Variants in TXNDC11 observed in about 807,000 individuals in gnomAD.
The protein encoded by TXNDC11 is thioredoxin domain-containing protein 11.
TXNDC11 carries 68 observed loss-of-function variants against 78.0 expected under a neutral mutation model. The observed-to-expected ratio is 0.87, with a 90% CI of 0.72 to 1.07. The LOEUF is 1.07. Ranked by LOEUF, TXNDC11 falls within the 50% of genes least tolerant of loss-of-function variation. The probability of loss-of-function intolerance (pLI) is 0.00; values close to 1 mark genes in which losing one functional copy is unlikely to be tolerated. For missense variants in TXNDC11, 1,389 were observed against 1,221.8 expected (o/e 1.14, Z -2.04); for synonymous variants, 571 against 495.2 (o/e 1.15, Z -2.03).
chr16:11,696,794 A>G (rs2141023230), intron 7 of TXNDC11, among the ~76,000 whole-genome samples: 1 of 152,232 alleles, frequency 6.6e-6, no homozygotes, highest in East Asian at 1.9e-4. Context: ...AACAGGCGAG[A>G]AAGAGTCTTC....
At chr16:11,721,697 A>G (rs1249335144) in intron 4 of TXNDC11, 27 bp from the exon 5 acceptor site, 1 of 1,409,692 alleles carries the variant, frequency 7.1e-7, no homozygotes, top group Non-Finnish European at 1.0e-6. Flanking sequence ...AGAATTAGGT[A>G]ACTGAGGCAC....
At chr16:11,731,476 C>T (rs1000405966) in intron 3 of TXNDC11, among the ~76,000 whole-genome samples, 6 of 152,174 alleles carry the variant, frequency 3.9e-5, no homozygotes, top group African/African-American at 9.7e-5. Flanking sequence ...ACGTGCCTCT[C>T]TTCAGTCTCA....
Position 11,691,363 on chromosome 16 carries a change from C to G in TXNDC11, c.1827G>C (p.Ala609=), listed in dbSNP as rs763458238. 1.7e-5 allele frequency: 27 copies of G among 1,614,222 alleles called. No homozygotes were observed. Among genetic ancestry groups the G allele is most frequent in the Admixed American group, 6.7e-5 (4 of 60,022 alleles). Residue 609 remains alanine, a synonymous_variant, in exon 8 of 12, where the codon GCG becomes GCC. Transcript: ENST00000283033. Reference sequence around the variant, plus strand: ...ATTCTTCTTTCACGTCAACAATTGCCGCAAATTCTTTCACCTGAGTGGAGC... The same window carrying G: ...ATTCTTCTTTCACGTCAACAATTGCGGCAAATTCTTTCACCTGAGTGGAGC... ...APSSTQVKEF[A]AIVDVKEESH...
intron 1 of TXNDC11, among the ~76,000 whole-genome samples, chr16:11,741,470 C>G (rs906749495): frequency 2.0e-5 from 3 of 152,298 alleles, no homozygotes; most frequent in Admixed American, 2.0e-4. Flanking sequence ...AAACACCAAG[C>G]TTGCCCAGCC....
chr16:11,713,207 A>C (rs2051419124), intron 5 of TXNDC11, among the ~76,000 whole-genome samples: 1 of 148,830 alleles, frequency 6.7e-6, no homozygotes, highest in Admixed American at 6.7e-5. Context: ...GGATCACCTG[A>C]GCCTGGGGAG....
At chr16:11,697,981 G>T (rs1015272502) in intron 7 of TXNDC11, 144 bp downstream of exon 7, 25 of 760,220 alleles carry the variant, frequency 3.3e-5, no homozygotes, top group Non-Finnish European at 5.3e-5. Context: ...ATATGGAGGG[G>T]CAAAGAGCAA....
At position 11,736,075 on chromosome 16, in the gene TXNDC11, C is replaced by A; in HGVS notation, c.413G>T (p.Gly138Val). The A allele has an allele frequency of 6.2e-7, 1 of 1,614,134 alleles. No individual in the cohort carries two copies. The highest frequency in any genetic ancestry group is 8.5e-7 in the Non-Finnish European group (1 of 1,180,020). The change falls in exon 2 of 12, where the codon GGA (glycine) becomes GTA (valine). Residue 138 changes from glycine to valine, a missense_variant. Physicochemically the swap from Gly to Val is moderately radical, Grantham distance 109. Transcript: ENST00000283033. ...TTCTGCCCTGGCAGCGATGGACTGT[C>A]CACACCAAGGGGCATAGAAGAAGAG... is the stretch of plus-strand genomic sequence containing the variant. ...VLLFFYAPWC[G>V]QSIAARAEIE... is the part of the protein sequence containing the mutation.
intron 5 of TXNDC11, among the ~76,000 whole-genome samples, chr16:11,704,846 T>C (rs911633317): frequency 1.3e-5 from 2 of 151,712 alleles, no homozygotes; most frequent in African/African-American, 2.4e-5. Flanking sequence ...AGTGGAAACA[T>C]GGAGACAATT....
At chr16:11,716,075 TAAAC>T (rs1263415801) in intron 5 of TXNDC11, among the ~76,000 whole-genome samples, 1 of 152,200 alleles carries the variant, frequency 6.6e-6, no homozygotes, top group African/African-American at 2.4e-5. Flanking sequence ...AATTTAAAGA[TAAAC>T]AAACACAAAC....
chr16:11,718,460 T>C (rs969976930), intron 5 of TXNDC11, among the ~76,000 whole-genome samples: 3 of 152,216 alleles, frequency 2.0e-5, no homozygotes, highest in Non-Finnish European at 4.4e-5. Flanking sequence ...AAACATGACA[T>C]TGACCTAGAA....
At position 11,679,114 on chromosome 16, in the gene TXNDC11, C is replaced by A. The variant is rs948235118; in HGVS notation, c.*81G>T. ...AGACCACTGAGAAAATCTTTATTTACAATAAATTTCAATAAAATTTGCATA... is the reference window on the plus strand; with the variant it reads ...AGACCACTGAGAAAATCTTTATTTAAAATAAATTTCAATAAAATTTGCATA... On this transcript the variant is annotated 3_prime_UTR_variant, in exon 12 of 12. Transcript: ENST00000283033. This position sits in a 1 kb window ranked among gnomAD's most constrained non-coding sequence, Gnocchi z 4.6. The A allele has an allele frequency of 7.7e-5, 109 of 1,407,628 alleles. No homozygotes were observed. The highest frequency in any genetic ancestry group is 1.0e-4 in the Non-Finnish European group (108 of 1,033,832). 87.2% of individuals were successfully genotyped at this position (1,407,628 alleles called of 1,614,324 possible). A position where few individuals can be genotyped will look rare whatever the true frequency, so the allele number is the denominator to read the frequency against.
chr16:11,691,217 C>G, intron 8 of TXNDC11, 73 bp downstream of exon 8: 1 of 1,255,188 alleles, frequency 8.0e-7, no homozygotes, highest in Non-Finnish European at 1.1e-6. Context: ...GTAATGAGAG[C>G]CATCAATAAA....
rs35673646 is a variant in TXNDC11 at position 11,702,092 on chromosome 16, G to GTATATATA, written c.794-1536_794-1529dup. Among the ~76,000 whole-genome samples, 230 of 144,364 alleles carry GTATATATA rather than the reference G, an allele frequency of 1.6e-3. 1 individual carries two copies. Among genetic ancestry groups the GTATATATA allele is most frequent in the African/African-American group, 5.5e-3 (217 of 39,220 alleles). The allele number at this position is 144,364 out of a possible 152,430, so 94.7% of individuals were successfully genotyped here. On this transcript the variant is annotated intron_variant, in intron 5 of 11. Coordinates refer to ENST00000283033, the MANE Select transcript of TXNDC11 (RefSeq NM_015914.7). ...TGTGTGTGTGTGTATGTATGTATGT[G>GTATATATA]TATATATATATATATATATATGTTT...
intron 4 of TXNDC11, among the ~76,000 whole-genome samples, chr16:11,723,494 A>G (rs1319741709): frequency 6.6e-6 from 1 of 152,152 alleles, no homozygotes; most frequent in Non-Finnish European, 1.5e-5. Flanking sequence ...CTGAGGCACA[A>G]GAATTGCTTG....
intron 5 of TXNDC11, among the ~76,000 whole-genome samples, chr16:11,719,106 G>A (rs747461768): frequency 4.6e-5 from 7 of 152,080 alleles, no homozygotes; most frequent in African/African-American, 1.2e-4. Flanking sequence ...TTTCTAATAC[G>A]GCATAGCAGC....
intron 8 of TXNDC11, among the ~76,000 whole-genome samples, chr16:11,689,087 C>CTTTT (rs34967613): frequency 0.019 from 2,664 of 143,128 alleles, 88 homozygotes; most frequent in African/African-American, 0.066. Flanking sequence ...TTGAATTTCA[C>CTTTT]TTTTTTTTTT....
At chr16:11,696,986 C>G (rs971488850) in intron 7 of TXNDC11, among the ~76,000 whole-genome samples, 2 of 152,150 alleles carry the variant, frequency 1.3e-5, no homozygotes, top group African/African-American at 2.4e-5. Flanking sequence ...AGCTTTAAGG[C>G]TCTTAATATT....
At chr16:11,736,355 A>G in intron 1 of TXNDC11, 122 bp from the exon 2 acceptor site, 1 of 748,338 alleles carries the variant, frequency 1.3e-6, no homozygotes, top group Non-Finnish European at 2.2e-6. Context: ...GAGTCCCAAA[A>G]TCACTGCCCT....
At chr16:11,707,650 T>C (rs369473153) in intron 5 of TXNDC11, among the ~76,000 whole-genome samples, 1 of 151,620 alleles carries the variant, frequency 6.6e-6, no homozygotes, top group African/African-American at 2.4e-5. Flanking sequence ...AGTTTCACCA[T>C]GTTGGCCAGG....
Sources: allele counts gnomAD v4.1 joint callset (sites outside exome capture counted in the v4.1 genomes callset), GRCh38; gene constraint gnomAD v4.1.1; non-coding constraint Gnocchi (gnomAD v3.1); transcripts MANE v1.5; gene names NCBI Gene and HGNC (gene_info 2026-07-23, HGNC 2026-07-21).